CDH7: variants seen among roughly 807,000 people sequenced by gnomAD.
The protein encoded by CDH7 is cadherin-7.
In CDH7, 25 loss-of-function variants were observed where a neutral mutation model predicts 71.8. That is an observed-to-expected ratio of 0.35 (90% confidence interval 0.25 to 0.49). CDH7 has a LOEUF of 0.49. CDH7 is among the 20% of genes least tolerant of loss of function. CDH7 has a pLI of 0.99. For missense variants in CDH7, 862 were observed against 974.6 expected, an observed-to-expected ratio of 0.88 and a Z score of 1.54; for synonymous variants, 381 against 363.8, an observed-to-expected ratio of 1.05 and a Z score of -0.54.
intron 3 of CDH7, among the ~76,000 whole-genome samples, chr18:65,810,424 C>A (rs981516635): frequency 4.6e-5 from 7 of 152,110 alleles, no homozygotes; most frequent in Admixed American, 1.3e-4. Flanking sequence ...TCTCTATGGC[C>A]AATGTATCAA....
intron 3 of CDH7, among the ~76,000 whole-genome samples, chr18:65,812,976 G>A (rs1056722142): frequency 6.6e-6 from 1 of 152,034 alleles, no homozygotes; most frequent in African/African-American, 2.4e-5. Context: ...TTTAAAATAT[G>A]CATTATTTAC....
At chr18:65,819,352 C>G (rs4941357) in intron 4 of CDH7, among the ~76,000 whole-genome samples, 133,216 of 152,154 alleles carry the variant, frequency 0.88, 59,580 homozygotes, top group East Asian at 0.99. Flanking sequence ...CCTGTGAGTT[C>G]GCACTGCTCC....
chr18:65,780,896 T>C (rs1377421777), intron 2 of CDH7, among the ~76,000 whole-genome samples: 1 of 151,220 alleles, frequency 6.6e-6, no homozygotes, highest in Non-Finnish European at 1.5e-5. Flanking sequence ...CTTAACTGCC[T>C]TGTTTGCCTC....
intron 2 of CDH7, among the ~76,000 whole-genome samples, chr18:65,808,603 T>C (rs1278055871): frequency 6.6e-6 from 1 of 152,104 alleles, no homozygotes; most frequent in Non-Finnish European, 1.5e-5. Context: ...CTTACAGAAA[T>C]TCAAGGTACA....
At chr18:65,793,253 C>T (rs115388890) in intron 2 of CDH7, among the ~76,000 whole-genome samples, 5,151 of 151,890 alleles carry the variant, frequency 0.034, 289 homozygotes, top group African/African-American at 0.12. Flanking sequence ...CAGCCTGGGG[C>T]GAAACCCTGT....
Position 65,857,817 on chromosome 18 carries a change from T to A in CDH7, c.1237T>A (p.Tyr413Asn). 6.2e-7 allele frequency: 1 copy of A among 1,612,360 alleles called. No individual in the cohort carries two copies. The highest frequency in any genetic ancestry group is 8.5e-7 in the Non-Finnish European group (1 of 1,179,136). The change falls in exon 8 of 12, where the codon TAC becomes AAC. Residue 413 changes from tyrosine (Y) to asparagine (N), a missense_variant and splice_region_variant. Coordinates refer to ENST00000397968, the MANE Select transcript of CDH7 (RefSeq NM_004361.5). ...DPDSSNSPVRYSIDRNTDLER... is the reference protein window; with the variant it reads ...DPDSSNSPVRNSIDRNTDLER... ...TTCTTTTCTTCAATGTTCAATTAGG[T>A]ACTCAATTGACAGAAACACAGACTT... is the stretch of plus-strand genomic sequence containing the variant.
intron 2 of CDH7, among the ~76,000 whole-genome samples, chr18:65,780,998 A>G (rs1245421687): frequency 1.4e-5 from 2 of 140,690 alleles, no homozygotes; most frequent in Non-Finnish European, 3.0e-5. Context: ...TGCACTAGCT[A>G]TGGTCCCATC....
rs1315838641 is a variant in CDH7 at position 65,880,424 on chromosome 18, A to G, written c.1888A>G (p.Met630Val). ...AGTGTTGATCCTCCTTATCGTCACT[A>G]TGAGAAGACGGAAAAAAGAGCCCCT... is the stretch of plus-strand genomic sequence containing the variant. ...LLVLILLIVT[M>V]RRRKKEPLIF... The change falls in exon 12 of 12, where the codon ATG becomes GTG. Residue 630 changes from methionine (M) to valine (V), a missense_variant. Met to Val is a conservative substitution (Grantham distance 21). Coordinates refer to ENST00000397968, the MANE Select transcript of CDH7 (RefSeq NM_004361.5). The G allele has an allele frequency of 1.3e-6, 2 of 1,551,372 alleles. No individual in the cohort carries two copies. The highest frequency in any genetic ancestry group is 2.1e-5 in the Admixed American group (1 of 47,896).
chr18:65,880,251 C>A (rs1427954343), intron 11 of CDH7, 150 bp from the exon 12 acceptor site: 1 of 722,948 alleles, frequency 1.4e-6, no homozygotes, highest in Non-Finnish European at 2.1e-6. Flanking sequence ...GCACATCTAC[C>A]GCTGTGAATC....
intron 7 of CDH7, among the ~76,000 whole-genome samples, chr18:65,849,740 C>G (rs368442530): frequency 1.3e-5 from 2 of 151,898 alleles, no homozygotes; most frequent in East Asian, 3.9e-4. Flanking sequence ...TTCTATTGCT[C>G]TAGAATTACA....
intron 6 of CDH7, among the ~76,000 whole-genome samples, chr18:65,841,570 T>C (rs1312702499): frequency 6.6e-6 from 1 of 152,202 alleles, no homozygotes; most frequent in African/African-American, 2.4e-5. Context: ...GAGGTTATTA[T>C]CTAAACTGCG....
intron 4 of CDH7, among the ~76,000 whole-genome samples, chr18:65,814,959 A>G (rs79214837): frequency 0.016 from 2,439 of 152,232 alleles, 54 homozygotes; most frequent in African/African-American, 0.055. Context: ...TTATATCTCA[A>G]GTAGAAACCT....
Position 65,782,016 on chromosome 18 carries a change from C to CTCTTTCTCTCTTTCTCTCTT in CDH7, c.210+18967_210+18968insTTCTCTCTTTCTCTCTTTCT, listed in dbSNP as rs1453946770. Among the ~76,000 whole-genome samples, 4 of 45,020 alleles carry CTCTTTCTCTCTTTCTCTCTT rather than the reference C, an allele frequency of 8.9e-5. 1 individual carries two copies. In the African/African-American group the frequency reaches 1.4e-3, roughly 15 times the overall value. The allele number at this position is 45,020 out of a possible 152,430, so 29.5% of individuals were successfully genotyped here. ...TCTCTTTCTCTCTTTCTCTCTTTCT[C>CTCTTTCTCTCTTTCTCTCTT]TCTCTCTTTCTCCCTTCCTTCCTTC... On this transcript the variant is annotated intron_variant, in intron 2 of 11. Coordinates refer to ENST00000397968, the MANE Select transcript of CDH7 (RefSeq NM_004361.5).
chr18:65,763,560 C>T (rs899390216), intron 2 of CDH7, among the ~76,000 whole-genome samples: 1 of 151,160 alleles, frequency 6.6e-6, no homozygotes, highest in African/African-American at 2.4e-5. Flanking sequence ...ACAATTTAAA[C>T]CCACTTTTCT....
In CDH7 at chr18:65,834,379, C is replaced by G. The variant is rs777445962; in HGVS notation, c.982-9433C>G. On this transcript the variant is annotated intron_variant, in intron 6 of 11. Coordinates refer to ENST00000397968, the MANE Select transcript of CDH7 (RefSeq NM_004361.5). ...TTCTTATGTCTAGGAGTTATATGCA[C>G]ATGCATGGCAATCAAAGAGACCATT... 3.3e-5 allele frequency among the ~76,000 whole-genome samples: 5 copies of G among 152,092 alleles called. No homozygotes were observed. In the South Asian group the frequency reaches 8.3e-4, roughly 25 times the overall value.
chr18:65,779,333 AG>A (rs1343509014), intron 2 of CDH7, among the ~76,000 whole-genome samples: 1 of 88,938 alleles, frequency 1.1e-5, no homozygotes, highest in East Asian at 3.8e-4. Context: ...TCTAAGTTTT[AG>A]GGTACATGTG....
chr18:65,804,992 G>A (rs1167263307), intron 2 of CDH7, among the ~76,000 whole-genome samples: 3 of 151,876 alleles, frequency 2.0e-5, no homozygotes, highest in African/African-American at 7.3e-5. Flanking sequence ...TCTTTAAAAA[G>A]CTATTAAAAC....
At chr18:65,786,237 T>C (rs9964766) in intron 2 of CDH7, among the ~76,000 whole-genome samples, 34 of 152,134 alleles carry the variant, frequency 2.2e-4, no homozygotes, top group African/African-American at 8.2e-4. Context: ...TTTGATTTCA[T>C]TGACAAATGA....
intron 2 of CDH7, among the ~76,000 whole-genome samples, chr18:65,806,803 T>C (rs974573178): frequency 2.6e-5 from 4 of 152,208 alleles, no homozygotes; most frequent in African/African-American, 7.2e-5. Flanking sequence ...AGGAGTTTTT[T>C]ACTAAGAGTG....
Sources: gnomAD v4.1 joint callset for allele counts (sites outside exome capture counted in the v4.1 genomes callset) on GRCh38, gnomAD v4.1.1 for gene constraint, MANE v1.5 for transcripts, NCBI Gene and HGNC (gene_info 2026-07-23, HGNC 2026-07-21) for gene names.